NFKB1: variants seen among roughly 807,000 people sequenced by gnomAD.
NFKB1 encodes the protein nuclear factor kappa B subunit 1.
In NFKB1, 9 loss-of-function variants were observed where a neutral mutation model predicts 105.1. The observed-to-expected ratio is 0.09, with a 90% confidence interval of 0.05 to 0.15. NFKB1 has a LOEUF of 0.15. Among genes scored for constraint, NFKB1 ranks in the 10% least tolerant of loss-of-function variants. NFKB1 has a pLI of 1.00. For missense variants in NFKB1, 830 were observed against 1,203.7 expected (o/e 0.69, Z 4.59); for synonymous variants, 440 against 442.2 (o/e 1.00, Z 0.06).
At chr4:102,572,189 G>A (rs569000942) in intron 6 of NFKB1, among the ~76,000 whole-genome samples, 1 of 152,068 alleles carries the variant, frequency 6.6e-6, no homozygotes, top group Admixed American at 6.6e-5. Flanking sequence ...TTGTAGGGAC[G>A]TGGGTGAAGC....
chr4:102,567,061 C>G lies in NFKB1; in HGVS notation c.333C>G (p.Ala111=). The G allele has an allele frequency of 6.2e-7, 1 of 1,613,878 alleles. No individual in the cohort carries two copies. The highest frequency in any genetic ancestry group is 8.5e-7 in the Non-Finnish European group (1 of 1,179,880). Residue 111 remains alanine, a synonymous_variant, in exon 6 of 24, where the codon GCC becomes GCG. Transcript: ENST00000226574. Reference sequence around the variant, plus strand: ...ATGGAAAAAATATCCACCTGCATGCCCACAGCCTGGTGGGAAAACACTGTG... The same window carrying G: ...ATGGAAAAAATATCCACCTGCATGCGCACAGCCTGGTGGGAAAACACTGTG... The part of the protein sequence containing the change: ...VTNGKNIHLH[A]HSLVGKHCED...
intron 2 of NFKB1, among the ~76,000 whole-genome samples, chr4:102,526,301 A>T (rs1192548786): frequency 6.6e-6 from 1 of 152,080 alleles, no homozygotes; most frequent in Non-Finnish European, 1.5e-5. Context: ...GTACACATGG[A>T]TGTAGAGAGT....
intron 12 of NFKB1, among the ~76,000 whole-genome samples, chr4:102,594,321 G>A (rs1726425517): frequency 6.6e-6 from 1 of 152,018 alleles, no homozygotes; most frequent in Admixed American, 6.5e-5. Flanking sequence ...CTGAACCTCT[G>A]TCCACCTAAC....
chr4:102,600,432 CA>C (rs1426232447), intron 15 of NFKB1, among the ~76,000 whole-genome samples: 1 of 152,202 alleles, frequency 6.6e-6, no homozygotes, highest in Non-Finnish European at 1.5e-5. Context: ...TGGAGGAGGG[CA>C]GCAGGGCTAA....
intron 5 of NFKB1, chr4:102,557,196 A>G (rs1723051114): frequency 6.6e-6 from 1 of 152,220 alleles, no homozygotes; most frequent in African/African-American, 2.4e-5. Context: ...AACTGCAGAT[A>G]TCTGCTTAAG....
intron 5 of NFKB1, among the ~76,000 whole-genome samples, chr4:102,557,690 A>G (rs894336464): frequency 6.6e-6 from 1 of 152,228 alleles, no homozygotes; most frequent in Admixed American, 6.5e-5. Context: ...GTCTGGTGCC[A>G]AGACTCATCA....
chr4:102,541,828 T>G (rs2149132593), intron 5 of NFKB1, among the ~76,000 whole-genome samples: 1 of 152,322 alleles, frequency 6.6e-6, no homozygotes, highest in Middle Eastern at 3.4e-3. Context: ...GCTGTGCTTT[T>G]CCTCAGCTAC....
intron 6 of NFKB1, among the ~76,000 whole-genome samples, chr4:102,575,348 T>C (rs2149179731): frequency 6.6e-6 from 1 of 152,330 alleles, no homozygotes; most frequent in African/African-American, 2.4e-5. Flanking sequence ...ACTCCTATTT[T>C]CTTCCCTACT....
intron 11 of NFKB1, among the ~76,000 whole-genome samples, chr4:102,588,434 T>C (rs1023607729): frequency 6.6e-6 from 1 of 150,706 alleles, no homozygotes; most frequent in African/African-American, 2.4e-5. Flanking sequence ...GAGGAACTGC[T>C]GTACAAAAGC....
intron 6 of NFKB1, among the ~76,000 whole-genome samples, chr4:102,574,512 C>G (rs1307621816): frequency 6.6e-6 from 1 of 152,100 alleles, no homozygotes; most frequent in South Asian, 2.1e-4. Flanking sequence ...CGGTACTCTG[C>G]TTGTGAGTTT....
intron 18 of NFKB1, 25 bp from the exon 19 acceptor site, chr4:102,607,624 C>CT: frequency 6.2e-7 from 1 of 1,610,774 alleles, no homozygotes; most frequent in East Asian, 2.2e-5. Flanking sequence ...TCCACTAACG[C>CT]TTTCTTGTGT....
In NFKB1 at chr4:102,571,927, G is replaced by A. The variant is rs184325053; in HGVS notation, c.407+4792G>A. On this transcript the variant is annotated intron_variant, in intron 6 of 23. Coordinates refer to ENST00000226574, the MANE Select transcript of NFKB1 (RefSeq NM_003998.4). ...CAGCCATTGTGGAAGACAGTGTGGC[G>A]ATTCCTCAAGGATCTAGAACTAGAA... Among the ~76,000 whole-genome samples the A allele has an allele frequency of 2.8e-4, 43 of 152,278 alleles. No homozygotes were observed. The East Asian group carries it at 4.2e-3, about 15-fold the overall frequency.
chr4:102,541,834 G>C (rs907089799), intron 5 of NFKB1, among the ~76,000 whole-genome samples: 9 of 152,176 alleles, frequency 5.9e-5, no homozygotes, highest in South Asian at 2.1e-4. Context: ...CTTTTCCTCA[G>C]CTACAGCCTC....
At chr4:102,574,781 G>A (rs548854190) in intron 6 of NFKB1, among the ~76,000 whole-genome samples, 5 of 152,090 alleles carry the variant, frequency 3.3e-5, no homozygotes, top group Non-Finnish European at 5.9e-5. Context: ...TTACTCTATC[G>A]TTACCTGAAG....
At chr4:102,584,131 T>C (rs1725530461) in intron 10 of NFKB1, among the ~76,000 whole-genome samples, 1 of 152,210 alleles carries the variant, frequency 6.6e-6, no homozygotes, top group Non-Finnish European at 1.5e-5. Context: ...TGCTTTTTTA[T>C]ATTTTATAAG....
In NFKB1 at chr4:102,569,582, C is replaced by G. The variant is rs190670464; in HGVS notation, c.407+2447C>G. Among the ~76,000 whole-genome samples, 3 of 152,156 alleles carry G rather than the reference C, an allele frequency of 2.0e-5. No individual in the cohort carries two copies. In the East Asian group the frequency reaches 5.8e-4, roughly 29 times the overall value. On this transcript the variant is annotated intron_variant, in intron 6 of 23. Coordinates refer to ENST00000226574, the MANE Select transcript of NFKB1 (RefSeq NM_003998.4). ...CTAAGATAACTTGTTTTCAATAATA[C>G]AGATTAGGCAAAGAGTATAGATTCA...
chr4:102,589,076 G>A (rs1377563443), intron 11 of NFKB1, among the ~76,000 whole-genome samples: 1 of 152,128 alleles, frequency 6.6e-6, no homozygotes, highest in East Asian at 1.9e-4. Context: ...GGAATGTTCT[G>A]TATCAGTTTC....
Position 102,593,344 on chromosome 4 carries a change from T to C in NFKB1, c.1067-81T>C, listed in dbSNP as rs939942437. Reference sequence around the variant, plus strand: ...CCCTTTAAGATGTTTAAAAATACCATTAGAATCAGTGGTCTTTCTGTGGCT... The same window carrying C: ...CCCTTTAAGATGTTTAAAAATACCACTAGAATCAGTGGTCTTTCTGTGGCT... On this transcript the variant is annotated intron_variant, in intron 11 of 23. Coordinates refer to ENST00000226574, the MANE Select transcript of NFKB1 (RefSeq NM_003998.4). 1.4e-5 allele frequency: 18 copies of C among 1,251,778 alleles called. No homozygotes were observed. In the Admixed American group the frequency reaches 3.8e-4, roughly 27 times the overall value. The allele number at this position is 1,251,778 out of a possible 1,614,324, so 77.5% of individuals were successfully genotyped here.
intron 16 of NFKB1, among the ~76,000 whole-genome samples, chr4:102,603,432 T>A (rs908545391): frequency 1.3e-5 from 2 of 152,140 alleles, no homozygotes; most frequent in Non-Finnish European, 2.9e-5. Flanking sequence ...TTACATATGT[T>A]GAGACTCTCC....
Sources: allele counts gnomAD v4.1 joint callset (sites outside exome capture counted in the v4.1 genomes callset), GRCh38; gene constraint gnomAD v4.1.1; transcripts MANE v1.5; gene names NCBI Gene and HGNC (gene_info 2026-07-23, HGNC 2026-07-21).